Variants in BRI3 observed in about 807,000 individuals in gnomAD.
The protein encoded by BRI3 is brain protein I3.
A neutral mutation model predicts 12.8 loss-of-function variants in BRI3; 6 were observed. That is an observed-to-expected ratio of 0.47 (90% CI 0.26 to 0.93). BRI3 has a LOEUF of 0.93. Ranked by LOEUF, BRI3 falls within the 40% of genes least tolerant of loss-of-function variation. The pLI is 0.15. For missense variants in BRI3, 134 were observed against 171.1 expected, an observed-to-expected ratio of 0.78 and a Z score of 1.21; for synonymous variants, 91 against 76.1, an observed-to-expected ratio of 1.20 and a Z score of -1.02.
the BRI3 span, chr7:98,317,162 T>A: frequency 2.5e-6 from 4 of 1,611,700 alleles, no homozygotes; most frequent in Non-Finnish European, 3.4e-6. Flanking sequence ...TAACCTCCTC[T>A]TAAACTGTGC....
the BRI3 span, chr7:98,317,388 G>A: frequency 5.0e-6 from 8 of 1,609,530 alleles, no homozygotes; most frequent in South Asian, 7.7e-5. Flanking sequence ...TTATTTTACT[G>A]TGGCACCACA....
intron 2 of BRI3, chr7:98,282,804 C>T (rs1308277050): frequency 4.2e-6 from 1 of 237,542 alleles, no homozygotes; most frequent in East Asian, 1.1e-4. Flanking sequence ...CTGCTTTTTC[C>T]TTCACTTTCC....
chr7:98,293,489 G>A (rs752651360), downstream of BRI3: 7 of 1,595,054 alleles, frequency 4.4e-6, no homozygotes, highest in Admixed American at 3.3e-5. Context: ...AGGGAGAACC[G>A]GAGAGGCCCG....
At chr7:98,311,561 A>C (rs755891353), downstream of BRI3, among the ~76,000 whole-genome samples, 2 of 151,756 alleles carry the variant, frequency 1.3e-5, no homozygotes, top group Non-Finnish European at 2.9e-5. Flanking sequence ...AAAATAAAAA[A>C]AAAACAGTAA....
At chr7:98,308,053 G>T in exon 2 of BRI3, 1 of 761,666 alleles carries the variant, frequency 1.3e-6, no homozygotes, top group Non-Finnish European at 2.3e-6. Context: ...TTTGATCATT[G>T]CCCAGAAGGA....
chr7:98,310,630 T>C, downstream of BRI3: 1 of 1,471,726 alleles, frequency 6.8e-7, no homozygotes, highest in Non-Finnish European at 9.1e-7. Context: ...ATTAGTATAG[T>C]GCAGAACCGG....
chr7:98,315,625 A>AATAATAAT, the BRI3 span: 64 of 1,131,138 alleles, frequency 5.7e-5, no homozygotes, highest in Non-Finnish European at 5.5e-5. Context: ...AAAAAAAAAA[A>AATAATAAT]AATAATAATA....
intron 2 of BRI3, among the ~76,000 whole-genome samples, chr7:98,283,454 C>T (rs1386543778): frequency 2.0e-5 from 3 of 150,590 alleles, no homozygotes; most frequent in Middle Eastern, 3.4e-3. Flanking sequence ...ACAGGGACCC[C>T]GTGACAAACC....
chr7:98,289,193 G>A (rs957200098), intron 2 of BRI3, among the ~76,000 whole-genome samples: 1 of 152,136 alleles, frequency 6.6e-6, no homozygotes, highest in Non-Finnish European at 1.5e-5. Context: ...CCTGACCTCA[G>A]GTCATCCACC....
intron 2 of BRI3, among the ~76,000 whole-genome samples, chr7:98,290,259 A>G (rs577404395): frequency 2.1e-5 from 3 of 141,526 alleles, no homozygotes; most frequent in South Asian, 2.2e-4. Flanking sequence ...GCAGTGGCAC[A>G]ATCTCGGCTC....
chr7:98,281,937 G>A lies in BRI3; in HGVS notation c.142G>A (p.Gly48Arg). ...PPPPYPYLVT[G>R]IPTHHPRVYN... is the part of the protein sequence containing the mutation. ...GCCGCCCTACCCCTACCTCGTCACAGGTGGGCCCGTAACCAACTTTCCCCG... is the reference window on the plus strand; with the variant it reads ...GCCGCCCTACCCCTACCTCGTCACAAGTGGGCCCGTAACCAACTTTCCCCG... The change falls in exon 1 of 3, where the codon GGG (glycine) becomes AGG (arginine). Residue 48 changes from glycine (G) to arginine (R), a missense_variant and splice_region_variant. Gly to Arg is a moderately radical substitution (Grantham distance 125). Coordinates refer to ENST00000297290, the MANE Select transcript of BRI3 (RefSeq NM_015379.5). The A allele has an allele frequency of 7.6e-7, 1 of 1,313,330 alleles. No homozygotes were observed. Among genetic ancestry groups the A allele is most frequent in the Non-Finnish European group, 9.7e-7 (1 of 1,033,772 alleles). 81.4% of individuals were successfully genotyped at this position (1,313,330 alleles called of 1,614,324 possible).
chr7:98,310,644 T>C (rs1476933966), downstream of BRI3: 4 of 1,384,634 alleles, frequency 2.9e-6, no homozygotes, highest in Non-Finnish European at 3.9e-6. Flanking sequence ...GAACCGGAAT[T>C]ACACAGATTC....
At chr7:98,302,612 G>A (rs1562964979), upstream of BRI3, among the ~76,000 whole-genome samples, 1 of 152,062 alleles carries the variant, frequency 6.6e-6, no homozygotes. Context: ...GACACCAACA[G>A]CAAAATCCAG....
chr7:98,312,758 C>CTG (rs5886062), downstream of BRI3, among the ~76,000 whole-genome samples: 122,249 of 151,954 alleles, frequency 0.8, 49,266 homozygotes, highest in Middle Eastern at 0.83. Flanking sequence ...GGAAGAGGGA[C>CTG]TGGGTGAGTG....
At chr7:98,318,375 G>T in the BRI3 span, among the ~76,000 whole-genome samples, 1 of 151,854 alleles carries the variant, frequency 6.6e-6, no homozygotes, top group Non-Finnish European at 1.5e-5. Context: ...TGCACTCTCT[G>T]CCTCCCGGGT....
chr7:98,305,820 A>G (rs1312726822), upstream of BRI3, among the ~76,000 whole-genome samples: 2 of 152,226 alleles, frequency 1.3e-5, no homozygotes, highest in Non-Finnish European at 2.9e-5. Context: ...GTCTCTAGGC[A>G]ATAACTACTG....
At chr7:98,301,795 G>A (rs554218432), upstream of BRI3, among the ~76,000 whole-genome samples, 5 of 152,136 alleles carry the variant, frequency 3.3e-5, no homozygotes, top group African/African-American at 7.2e-5. Flanking sequence ...AATCTCTCCC[G>A]TGGAGGGGAC....
At chr7:98,305,512 C>A (rs183886330), upstream of BRI3, among the ~76,000 whole-genome samples, 1 of 152,138 alleles carries the variant, frequency 6.6e-6, no homozygotes, top group East Asian at 1.9e-4. Flanking sequence ...TATGGGGGTT[C>A]TGTGAACTTC....
At chr7:98,293,726 C>T (rs1800066142), downstream of BRI3, 3 of 842,462 alleles carry the variant, frequency 3.6e-6, no homozygotes, top group Admixed American at 2.2e-5. Flanking sequence ...GTACAGGTCC[C>T]AGCAGCGTTT....
Sources: gnomAD v4.1 joint callset for allele counts (sites outside exome capture counted in the v4.1 genomes callset) on GRCh38, gnomAD v4.1.1 for gene constraint, MANE v1.5 for transcripts, NCBI Gene and HGNC (gene_info 2026-07-23, HGNC 2026-07-21) for gene names.